CTNND2: variants seen among roughly 807,000 people sequenced by gnomAD.
The protein encoded by CTNND2 is catenin delta 2.
CTNND2 carries 22 observed loss-of-function variants against 144.4 expected under a neutral mutation model. The ratio of observed to expected loss-of-function variants is 0.15; its 90% CI spans 0.11 to 0.22. The LOEUF (loss-of-function observed/expected upper bound fraction) is 0.22. Among genes scored for constraint, CTNND2 ranks in the 10% least tolerant of loss-of-function variants. The pLI is 1.00. For synonymous variants in CTNND2, 751 were observed against 695.6 expected (o/e 1.08, Z -1.25); for missense variants, 1,353 against 1,618.8 (o/e 0.84, Z 2.82).
chr5:11,790,392 T>C (rs1396426556), intron 1 of CTNND2, among the ~76,000 whole-genome samples: 1 of 152,102 alleles, frequency 6.6e-6, no homozygotes, highest in Non-Finnish European at 1.5e-5. Context: ...GACAATGTCA[T>C]AGAGGTGTAG....
chr5:11,509,590 C>G (rs31814), intron 3 of CTNND2, among the ~76,000 whole-genome samples: 63,351 of 151,966 alleles, frequency 0.42, 13,823 homozygotes, highest in South Asian at 0.52. Context: ...TTGAGCATTA[C>G]GGAAGAGACC....
chr5:11,720,306 G>T (rs2126715353), intron 2 of CTNND2, among the ~76,000 whole-genome samples: 1 of 152,156 alleles, frequency 6.6e-6, no homozygotes, highest in South Asian at 2.1e-4. Context: ...AAACCTATTT[G>T]TTCCTTCCAA....
Position 11,272,836 on chromosome 5 carries a change from T to C in CTNND2, c.1629-36013A>G, listed in dbSNP as rs142214418. Among the ~76,000 whole-genome samples, 3 of 152,274 alleles carry C rather than the reference T, an allele frequency of 2.0e-5. 1 individual carries two copies. Among genetic ancestry groups the C allele is most frequent in the Non-Finnish European group, 4.4e-5 (3 of 68,018 alleles). Reference sequence around the variant, plus strand: ...CATTAGAATTTTATCCACGAGTATATAAAATTAATGATATATTAGAGTAGG... The same window carrying C: ...CATTAGAATTTTATCCACGAGTATACAAAATTAATGATATATTAGAGTAGG... On this transcript the variant is annotated intron_variant, in intron 9 of 21. Transcript: ENST00000304623.
intron 3 of CTNND2, among the ~76,000 whole-genome samples, chr5:11,503,342 C>G (rs940081806): frequency 1.3e-5 from 2 of 152,200 alleles, no homozygotes; most frequent in African/African-American, 4.8e-5. Flanking sequence ...CAAACTATGA[C>G]TCTAAACTCT....
chr5:11,734,814 C>G (rs1043070079), intron 1 of CTNND2, among the ~76,000 whole-genome samples: 9 of 152,118 alleles, frequency 5.9e-5, no homozygotes, highest in African/African-American at 2.2e-4. Flanking sequence ...CAGAATTTTA[C>G]TTAAAATATA....
At chr5:11,705,121 T>C (rs1785632032) in intron 2 of CTNND2, among the ~76,000 whole-genome samples, 1 of 152,184 alleles carries the variant, frequency 6.6e-6, no homozygotes, top group South Asian at 2.1e-4. Context: ...CATCTGTCAA[T>C]GGTGCAGGCA....
intron 12 of CTNND2, among the ~76,000 whole-genome samples, chr5:11,123,061 C>T (rs12517320): frequency 0.16 from 23,603 of 152,176 alleles, 2,982 homozygotes; most frequent in East Asian, 0.45. Flanking sequence ...AAGCCATCAA[C>T]TCTGACAGTC....
At position 11,159,717 on chromosome 5, in the gene CTNND2, G is replaced by C; in HGVS notation, c.2018C>G (p.Pro673Arg). 6.2e-7 allele frequency: 1 copy of C among 1,607,708 alleles called. No homozygotes were observed. The highest frequency in any genetic ancestry group is 8.5e-7 in the Non-Finnish European group (1 of 1,177,160). The change falls in exon 12 of 22, where the codon CCA becomes CGA. Residue 673 changes from proline (P) to arginine (R), a missense_variant. By Grantham distance (103) the Pro-to-Arg change is moderately radical (BLOSUM62 -2). This residue lies in a region of CTNND2 where 117 missense variants were observed against 117.8 expected (regional missense o/e 0.99). Coordinates refer to ENST00000304623, the MANE Select transcript of CTNND2 (RefSeq NM_001332.4). ...NLSSCDALKMPIIQDALAVLT... is the reference protein window; with the variant it reads ...NLSSCDALKMRIIQDALAVLT... ...TACTGCTAGGGCATCCTGGATGATT[G>C]GCATTTTGAGTGCATCGCATGAGGA...
intron 3 of CTNND2, among the ~76,000 whole-genome samples, chr5:11,485,606 AG>A (rs1768748647): frequency 6.6e-6 from 1 of 152,228 alleles, no homozygotes; most frequent in Non-Finnish European, 1.5e-5. Flanking sequence ...ATAAACTCAT[AG>A]GCATATGAGA....
intron 3 of CTNND2, among the ~76,000 whole-genome samples, chr5:11,552,933 C>T (rs1581479164): frequency 6.6e-6 from 1 of 152,136 alleles, no homozygotes; most frequent in East Asian, 1.9e-4. Context: ...GGACTCTCAG[C>T]ATCTGAAGGA....
intron 2 of CTNND2, among the ~76,000 whole-genome samples, chr5:11,714,750 C>CA (rs925616423): frequency 4.0e-5 from 6 of 149,982 alleles, no homozygotes; most frequent in African/African-American, 9.8e-5. Context: ...ACTAAAAATA[C>CA]AAAAAAAAAT....
intron 9 of CTNND2, among the ~76,000 whole-genome samples, chr5:11,294,202 G>A (rs745652344): frequency 3.3e-5 from 5 of 150,008 alleles, no homozygotes; most frequent in Non-Finnish European, 5.9e-5. Context: ...AACAAAGCCA[G>A]TTCCAATTAA....
intron 1 of CTNND2, among the ~76,000 whole-genome samples, chr5:11,832,535 T>C (rs1793963224): frequency 6.6e-6 from 1 of 152,072 alleles, no homozygotes; most frequent in Non-Finnish European, 1.5e-5. Context: ...AGAGAGACAG[T>C]TAGAAAATAG....
At chr5:11,589,258 T>C (rs1258765704) in intron 2 of CTNND2, among the ~76,000 whole-genome samples, 1 of 150,358 alleles carries the variant, frequency 6.7e-6, no homozygotes, top group Non-Finnish European at 1.5e-5. Context: ...TCTGGATTCT[T>C]AGCTATCTGT....
chr5:11,889,579 A>C (rs994047723), intron 1 of CTNND2, among the ~76,000 whole-genome samples: 2 of 152,346 alleles, frequency 1.3e-5, no homozygotes, highest in Non-Finnish European at 2.9e-5. Flanking sequence ...TAATTCACTA[A>C]AGGCACAGCT....
chr5:11,602,842 ATAC>A (rs941941015), intron 2 of CTNND2, among the ~76,000 whole-genome samples: 4 of 148,874 alleles, frequency 2.7e-5, no homozygotes, highest in Non-Finnish European at 5.9e-5. Context: ...TCTGTCTGGA[ATAC>A]TACTTTCCAT....
chr5:11,307,131 G>A (rs778042291), intron 9 of CTNND2, among the ~76,000 whole-genome samples: 10 of 151,772 alleles, frequency 6.6e-5, no homozygotes, highest in Non-Finnish European at 1.3e-4. Context: ...ATTACCTTCA[G>A]AGTCATTTAT....
intron 3 of CTNND2, among the ~76,000 whole-genome samples, chr5:11,529,520 GA>G (rs369914661): frequency 2.0e-5 from 3 of 151,846 alleles, no homozygotes; most frequent in African/African-American, 2.4e-5. Flanking sequence ...AAACTCACGG[GA>G]AAAAAAATGA....
At chr5:11,621,333 T>G (rs1403088257) in intron 2 of CTNND2, among the ~76,000 whole-genome samples, 1 of 152,208 alleles carries the variant, frequency 6.6e-6, no homozygotes, top group East Asian at 1.9e-4. Flanking sequence ...TCATTATATT[T>G]TATTTGTAAG....
Sources: allele counts gnomAD v4.1 joint callset (sites outside exome capture counted in the v4.1 genomes callset), GRCh38; gene constraint gnomAD v4.1.1; regional missense constraint gnomAD v4.1.1; transcripts MANE v1.5; gene names NCBI Gene and HGNC (gene_info 2026-07-23, HGNC 2026-07-21).